The following NIPBL variants were observed in gnomAD, a reference collection of about 807,000 sequenced individuals.
NIPBL encodes nipped-B-like protein.
In NIPBL, 19 loss-of-function variants were observed where a neutral mutation model predicts 321.8. The ratio of observed to expected loss-of-function variants is 0.06; its 90% CI spans 0.04 to 0.09. The LOEUF (loss-of-function observed/expected upper bound fraction) is 0.09. NIPBL is among the 10% of genes least tolerant of loss of function. NIPBL has a pLI of 1.00. For synonymous variants in NIPBL, 1,106 were observed against 1,114.1 expected (o/e 0.99, Z 0.14); for missense variants, 2,210 against 3,327.0 (o/e 0.66, Z 8.26).
chr5:36,950,726 T>G (rs1740193715), intron 1 of NIPBL, among the ~76,000 whole-genome samples: 1 of 152,094 alleles, frequency 6.6e-6, no homozygotes, highest in Non-Finnish European at 1.5e-5. Flanking sequence ...AGCTTCAGTT[T>G]TACGAAAAAC....
At position 37,052,545 on chromosome 5, in the gene NIPBL, C is replaced by T; in HGVS notation, c.7242C>T (p.Leu2414=). The change falls in exon 42 of 47, where the codon CTC becomes CTT. Residue 2414 remains leucine (L), a synonymous_variant. Coordinates refer to ENST00000282516, the MANE Select transcript of NIPBL (RefSeq NM_133433.4). ...QHRRAFLISL[L]NLFDDTAKTD... ...GACGAGCCTTTCTTATTTCTTTACT[C>T]AACCTCTTTGATGACACAGCAGTAA... 6.2e-7 allele frequency: 1 copy of T among 1,614,062 alleles called. No homozygotes were observed. The highest frequency in any genetic ancestry group is 8.5e-7 in the Non-Finnish European group (1 of 1,179,946).
chr5:37,048,688 A>G lies in NIPBL; in HGVS notation c.6763+13A>G, dbSNP rs747383102. 7.0e-6 allele frequency: 11 copies of G among 1,575,072 alleles called. No individual in the cohort carries two copies. The highest frequency in any genetic ancestry group is 9.6e-6 in the Non-Finnish European group (11 of 1,148,148). On this transcript the variant is annotated intron_variant, in intron 39 of 46. Transcript: ENST00000282516. ...GCAGATAGAGACTGTAAGTGAAAAT[A>G]TATTTTTAAATTTCATAGCTACATT...
intron 1 of NIPBL, among the ~76,000 whole-genome samples, chr5:36,940,348 T>C (rs1580283331): frequency 6.6e-6 from 1 of 152,262 alleles, no homozygotes; most frequent in South Asian, 2.1e-4. Context: ...TCAAAATAAA[T>C]CAAATTGAGA....
chr5:36,905,085 G>A lies in NIPBL; in HGVS notation c.-80+27907G>A, dbSNP rs560973935. Among the ~76,000 whole-genome samples the A allele has an allele frequency of 3.8e-4, 57 of 149,836 alleles. No individual in the cohort carries two copies. The South Asian group carries it at 0.012, about 31-fold the overall frequency. On this transcript the variant is annotated intron_variant, in intron 1 of 46. Coordinates refer to ENST00000282516, the MANE Select transcript of NIPBL (RefSeq NM_133433.4). ...AAACAAGTACAGGAAGCAAGTTGAG[G>A]TTGGTTGGTTGGTTGGTTGGTTGGT...
intron 1 of NIPBL, among the ~76,000 whole-genome samples, chr5:36,885,047 C>T (rs1200716850): frequency 6.6e-6 from 1 of 151,882 alleles, no homozygotes; most frequent in Non-Finnish European, 1.5e-5. Context: ...TTGTTTTAAT[C>T]TTTGGATTTA....
intron 27 of NIPBL, 113 bp downstream of exon 27, chr5:37,020,990 G>A (rs1292959933): frequency 1.6e-5 from 14 of 857,158 alleles, no homozygotes; most frequent in Non-Finnish European, 2.6e-5. Flanking sequence ...AAAGATCATA[G>A]ATGTAGTATT....
chr5:36,964,447 AC>A (rs1410381378), intron 6 of NIPBL, among the ~76,000 whole-genome samples: 18 of 152,318 alleles, frequency 1.2e-4, no homozygotes, highest in African/African-American at 3.4e-4. Context: ...ACAGATATTT[AC>A]AGGCAACTTA....
At chr5:36,961,379 C>G (rs1741604605) in intron 4 of NIPBL, 105 bp from the exon 5 acceptor site, 1 of 764,634 alleles carries the variant, frequency 1.3e-6, no homozygotes, top group South Asian at 1.5e-5. Flanking sequence ...AAACATTGAT[C>G]AAAAAAATCT....
chr5:36,955,207 T>C (rs1027995347), intron 2 of NIPBL, among the ~76,000 whole-genome samples: 4 of 152,206 alleles, frequency 2.6e-5, no homozygotes, highest in Admixed American at 2.0e-4. Flanking sequence ...AGTCATTTGT[T>C]AATAAAATTT....
In NIPBL at chr5:37,032,386, CGTGTGTGTGTGTGTGTGTGT is replaced by C. The variant is rs58831894; in HGVS notation, c.5863-3960_5863-3941del. Among the ~76,000 whole-genome samples the C allele has an allele frequency of 2.5e-3, 306 of 123,596 alleles. 1 individual carries two copies. The highest frequency in any genetic ancestry group is 4.1e-3 in the African/African-American group (140 of 33,956). The allele number at this position is 123,596 out of a possible 152,430, so 81.1% of individuals were successfully genotyped here. ...GTGTATGCATATGCATACATGTATA[CGTGTGTGTGTGTGTGTGTGT>C]GTGTGTGTGTGTGTGTGTGTGTGTG... is the stretch of plus-strand genomic sequence containing the variant. On this transcript the variant is annotated intron_variant, in intron 32 of 46. Transcript: ENST00000282516.
chr5:36,960,748 A>T (rs1332114210), intron 4 of NIPBL, among the ~76,000 whole-genome samples: 1 of 152,180 alleles, frequency 6.6e-6, no homozygotes, highest in Non-Finnish European at 1.5e-5. Context: ...TTTTTATCTG[A>T]TTTTGAAATG....
intron 1 of NIPBL, among the ~76,000 whole-genome samples, chr5:36,916,074 A>G (rs995292501): frequency 1.3e-5 from 2 of 152,240 alleles, no homozygotes; most frequent in South Asian, 4.1e-4. Flanking sequence ...CATTTGTGGT[A>G]GTTGTCCTTT....
At chr5:36,911,382 C>G (rs1414346982) in intron 1 of NIPBL, among the ~76,000 whole-genome samples, 2 of 152,158 alleles carry the variant, frequency 1.3e-5, no homozygotes, top group Non-Finnish European at 2.9e-5. Flanking sequence ...GTGATTATTT[C>G]CTTCACTCCC....
chr5:36,939,565 C>A (rs1454082563), intron 1 of NIPBL, among the ~76,000 whole-genome samples: 1 of 152,170 alleles, frequency 6.6e-6, no homozygotes, highest in Non-Finnish European at 1.5e-5. Context: ...TTGTTTCCAG[C>A]TTTTCGCTAT....
chr5:36,908,614 C>G (rs1206233479), intron 1 of NIPBL, among the ~76,000 whole-genome samples: 1 of 151,998 alleles, frequency 6.6e-6, no homozygotes, highest in Non-Finnish European at 1.5e-5. Flanking sequence ...GGTATTATTT[C>G]AGAAATGACT....
At chr5:36,880,760 A>G (rs1475243075) in intron 1 of NIPBL, among the ~76,000 whole-genome samples, 1 of 152,040 alleles carries the variant, frequency 6.6e-6, no homozygotes, top group Non-Finnish European at 1.5e-5. Context: ...GTCATTTATA[A>G]TAATTCTTCG....
At chr5:36,953,522 A>C (rs1026573019) in intron 1 of NIPBL, 96 bp from the exon 2 acceptor site, 2 of 637,980 alleles carry the variant, frequency 3.1e-6, no homozygotes, top group South Asian at 3.8e-5. Context: ...TGAACAAACC[A>C]AAGCAGTAAC....
intron 1 of NIPBL, chr5:36,885,806 GACAT>G: frequency 1.6e-6 from 1 of 644,190 alleles, no homozygotes; most frequent in Non-Finnish European, 2.9e-6. Context: ...GCTAGAGACA[GACAT>G]CGAGGCTCTC....
chr5:37,065,657 A>G lies in NIPBL; in HGVS notation c.*765A>G, dbSNP rs889139224. 1 of 152,622 alleles carries G rather than the reference A, an allele frequency of 6.6e-6. No individual in the cohort carries two copies. The highest frequency in any genetic ancestry group is 1.5e-5 in the Non-Finnish European group (1 of 68,034). The allele number at this position is 152,622 out of a possible 1,614,324, so 9.5% of individuals were successfully genotyped here. On this transcript the variant is annotated 3_prime_UTR_variant, in exon 47 of 47. Coordinates refer to ENST00000282516, the MANE Select transcript of NIPBL (RefSeq NM_133433.4). ...TACAGTTTGTATAGGCTGACTTCTG[A>G]ATAATTGGTATCTATTATTTTCATT...
Sources: allele counts gnomAD v4.1 joint callset (sites outside exome capture counted in the v4.1 genomes callset), GRCh38; gene constraint gnomAD v4.1.1; transcripts MANE v1.5; gene names NCBI Gene and HGNC (gene_info 2026-07-23, HGNC 2026-07-21).